OPHN1: variants seen among roughly 807,000 people sequenced by gnomAD.
OPHN1 encodes the protein oligophrenin-1.
OPHN1 carries 11 observed loss-of-function variants against 60.7 expected under a neutral mutation model. The ratio of observed to expected loss-of-function variants is 0.18; its 90% CI spans 0.11 to 0.30. The LOEUF (loss-of-function observed/expected upper bound fraction) is 0.30, where lower values mean the gene tolerates loss of function less well. OPHN1 is among the 10% of genes least tolerant of loss of function. OPHN1 has a pLI of 1.00. For synonymous variants in OPHN1, 226 were observed against 222.6 expected (o/e 1.02, Z -0.14); for missense variants, 449 against 611.0 (o/e 0.73, Z 2.80).
intron 2 of OPHN1, among the ~76,000 whole-genome samples, chrX:68,359,808 A>G (rs1021510122): frequency 1.0e-5 from 1 of 96,414 alleles, no homozygotes; most frequent in Non-Finnish European, 2.0e-5. Context: ...GTGAACGGAG[A>G]TCGTGCCACT....
At chrX:68,114,672 G>A (rs1012751700) in intron 16 of OPHN1, among the ~76,000 whole-genome samples, 1 of 110,959 alleles carries the variant, frequency 9.0e-6, no homozygotes, top group Non-Finnish European at 1.9e-5. Flanking sequence ...GGCTGAGATG[G>A]GAGGACTGCT....
intron 2 of OPHN1, among the ~76,000 whole-genome samples, chrX:68,310,424 C>T (rs1300359058): frequency 9.4e-6 from 1 of 106,571 alleles, no homozygotes; most frequent in Non-Finnish European, 1.9e-5. Flanking sequence ...ACCACGCAAG[C>T]TCTAAGAAGA....
chrX:68,353,012 C>T (rs892757276), intron 2 of OPHN1, among the ~76,000 whole-genome samples: 3 of 108,459 alleles, frequency 2.8e-5, no homozygotes, highest in African/African-American at 6.7e-5. Context: ...ATTAGCCAGG[C>T]GTGGTGGCTT....
chrX:68,146,410 C>T (rs992303830), intron 15 of OPHN1, among the ~76,000 whole-genome samples: 1 of 112,143 alleles, frequency 8.9e-6, no homozygotes, highest in Non-Finnish European at 1.9e-5. Flanking sequence ...AACTGGATTA[C>T]AACAAGTGAA....
intron 18 of OPHN1, among the ~76,000 whole-genome samples, chrX:68,098,321 G>A (rs2077045330): frequency 1.8e-5 from 2 of 111,671 alleles, no homozygotes; most frequent in South Asian, 7.6e-4. Flanking sequence ...AGGTACTAAT[G>A]AATTATTTGT....
chrX:68,302,511 C>T lies in OPHN1; in HGVS notation c.155-3415G>A, dbSNP rs146080221. ...GGCTGAAGCAGGAGAACCACTTGAA[C>T]CCGAGAGGCAGAGATTTCAGTGAGC... On this transcript the variant is annotated intron_variant, in intron 2 of 24. Coordinates refer to ENST00000355520, the MANE Select transcript of OPHN1 (RefSeq NM_002547.3). Among the ~76,000 whole-genome samples, 487 of 109,448 alleles carry T rather than the reference C, an allele frequency of 4.4e-3. 4 individuals carry two copies. The highest frequency in any genetic ancestry group is 0.015 in the African/African-American group (461 of 30,013).
chrX:68,327,973 G>T (rs1361210013), intron 2 of OPHN1, among the ~76,000 whole-genome samples: 1 of 101,709 alleles, frequency 9.8e-6, no homozygotes, highest in Non-Finnish European at 2.0e-5. Context: ...GGGACTACAG[G>T]CGCCCGCCAC....
In OPHN1 at chrX:68,192,965, A is replaced by G; in HGVS notation, c.1230T>C (p.Thr410=). 8.3e-7 allele frequency: 1 copy of G among 1,210,918 alleles called. No individual in the cohort carries two copies. The highest frequency in any genetic ancestry group is 3.0e-5 in the East Asian group (1 of 33,836). Residue 410 remains threonine (T), a synonymous_variant, in exon 15 of 25, where the codon ACT becomes ACC. Coordinates refer to ENST00000355520, the MANE Select transcript of OPHN1 (RefSeq NM_002547.3). ...KGIKTEGLYR[T]VGSNIQVQKL... is the part of the protein sequence containing the mutation. ...TCTGAACCTGAATATTGCTGCCCAC[A>G]GTGCGGTACAACCCTTCTGTCTTGA... is the stretch of plus-strand genomic sequence containing the variant.
chrX:68,418,950 G>T (rs760091528), intron 2 of OPHN1, among the ~76,000 whole-genome samples: 8 of 110,321 alleles, frequency 7.3e-5, no homozygotes, highest in Non-Finnish European at 1.5e-4. Context: ...CTGGTTCCAA[G>T]CAAGATAGAA....
intron 18 of OPHN1, among the ~76,000 whole-genome samples, chrX:68,108,644 T>A (rs1218121604): frequency 9.0e-6 from 1 of 111,505 alleles, no homozygotes; most frequent in Non-Finnish European, 1.9e-5. Flanking sequence ...TACTGAGTGT[T>A]GCTTAAAATT....
At chrX:68,141,850 G>A (rs931275255) in intron 15 of OPHN1, among the ~76,000 whole-genome samples, 1 of 109,678 alleles carries the variant, frequency 9.1e-6, no homozygotes, top group African/African-American at 3.3e-5. Flanking sequence ...CCAAAAGAGG[G>A]AGAGAAGATC....
At chrX:68,258,541 G>C (rs930356512) in intron 5 of OPHN1, among the ~76,000 whole-genome samples, 3 of 106,913 alleles carry the variant, frequency 2.8e-5, no homozygotes, top group Admixed American at 1.0e-4. Flanking sequence ...GCGATAGTTT[G>C]CTGAGAATGA....
intron 5 of OPHN1, among the ~76,000 whole-genome samples, chrX:68,248,664 T>A (rs758290921): frequency 7.1e-5 from 8 of 112,433 alleles, no homozygotes; most frequent in Admixed American, 9.4e-5. Context: ...CAGCACTGTT[T>A]ACAATAGCTA....
chrX:68,240,549 T>C (rs762805214), intron 5 of OPHN1, among the ~76,000 whole-genome samples: 6 of 111,560 alleles, frequency 5.4e-5, no homozygotes, highest in Non-Finnish European at 9.4e-5. Context: ...GTGTTATAAT[T>C]CTTTCGTCTT....
At chrX:68,376,043 T>C (rs2078555163) in intron 2 of OPHN1, among the ~76,000 whole-genome samples, 1 of 111,936 alleles carries the variant, frequency 8.9e-6, no homozygotes, top group Non-Finnish European at 1.9e-5. Context: ...TATGATTCAG[T>C]TCATAAAAGA....
At chrX:68,123,316 C>T (rs1339704719) in intron 15 of OPHN1, among the ~76,000 whole-genome samples, 1 of 111,761 alleles carries the variant, frequency 8.9e-6, no homozygotes, top group Non-Finnish European at 1.9e-5. Flanking sequence ...ATCTATCTTA[C>T]AAGAGACGCT....
At chrX:68,304,732 T>A (rs2078137141) in intron 2 of OPHN1, among the ~76,000 whole-genome samples, 1 of 111,165 alleles carries the variant, frequency 9.0e-6, no homozygotes, top group Non-Finnish European at 1.9e-5. Flanking sequence ...ACCATCTCCA[T>A]CTCTGCAGTA....
intron 2 of OPHN1, among the ~76,000 whole-genome samples, chrX:68,361,527 GTAAAA>G (rs1186247622): frequency 2.7e-5 from 3 of 109,245 alleles, no homozygotes. Context: ...ATGTATATAT[GTAAAA>G]TAAAATAAAA....
intron 5 of OPHN1, among the ~76,000 whole-genome samples, chrX:68,244,591 T>C (rs1384112618): frequency 8.9e-6 from 1 of 112,056 alleles, no homozygotes; most frequent in African/African-American, 3.2e-5. Context: ...AGAACAAGCA[T>C]GAATTCCTAT....
Sources: allele counts gnomAD v4.1 joint callset (sites outside exome capture counted in the v4.1 genomes callset), GRCh38; gene constraint gnomAD v4.1.1; transcripts MANE v1.5; gene names NCBI Gene and HGNC (gene_info 2026-07-23, HGNC 2026-07-21).